The following SPEF2 variants were observed in gnomAD, a reference collection of about 807,000 sequenced individuals.
SPEF2 encodes sperm flagella and cilia-associated protein 2.
Under a neutral mutation model 224.6 loss-of-function variants are expected in SPEF2, and 187 were observed. The observed-to-expected ratio is 0.83, with a 90% CI of 0.74 to 0.94. The LOEUF is 0.94. Among genes scored for constraint, SPEF2 ranks in the 40% least tolerant of loss-of-function variants. SPEF2 has a pLI of 0.00. For missense variants in SPEF2, 2,170 were observed against 2,135.6 expected (o/e 1.02, Z -0.32); for synonymous variants, 715 against 707.3 (o/e 1.01, Z -0.17).
intron 2 of SPEF2, among the ~76,000 whole-genome samples, chr5:35,634,911 TC>T (rs1561105375): frequency 6.6e-6 from 1 of 152,024 alleles, no homozygotes; most frequent in African/African-American, 2.4e-5. Context: ...TCTTTCTTGT[TC>T]CGGGATCCCA....
At chr5:35,642,490 T>C (rs946554242) in intron 3 of SPEF2, among the ~76,000 whole-genome samples, 1 of 152,224 alleles carries the variant, frequency 6.6e-6, no homozygotes, top group African/African-American at 2.4e-5. Flanking sequence ...TATTGTTGGC[T>C]AACTAGTCAT....
At chr5:35,805,165 A>G (rs1757904956) in intron 34 of SPEF2, among the ~76,000 whole-genome samples, 1 of 152,208 alleles carries the variant, frequency 6.6e-6, no homozygotes, top group African/African-American at 2.4e-5. Context: ...ATTTGATTCC[A>G]AAATCTTCAC....
rs376969169 is a variant in SPEF2, at chr5:35,694,357, A to G, written c.1969A>G (p.Met657Val). Residue 657 changes from methionine (M) to valine (V), a missense_variant, in exon 13 of 37, where the codon ATG becomes GTG. Met to Val is a conservative substitution (Grantham distance 21). Coordinates refer to ENST00000356031, the MANE Select transcript of SPEF2 (RefSeq NM_024867.4). Reference protein sequence around the residue: ...EVLPETEGETMLSANADKTPK... With the variant: ...EVLPETEGETVLSANADKTPK... The stretch of plus-strand genomic sequence containing the variant: ...ATTACCAGAAACAGAAGGTGAAACA[A>G]TGCTTAGTAAGATCTCAAAACAAAT... 1.2e-6 allele frequency: 2 copies of G among 1,611,402 alleles called. No individual in the cohort carries two copies. The highest frequency in any genetic ancestry group is 1.7e-5 in the Admixed American group (1 of 59,846).
At chr5:35,683,109 A>T (rs1753066365) in intron 10 of SPEF2, among the ~76,000 whole-genome samples, 1 of 152,174 alleles carries the variant, frequency 6.6e-6, no homozygotes, top group African/African-American at 2.4e-5. Flanking sequence ...AACTAAAAAG[A>T]TATGAGAGAC....
At position 35,637,097 on chromosome 5, in the gene SPEF2, C is replaced by T. The variant is rs548862243; in HGVS notation, c.162-4334C>T. The stretch of plus-strand genomic sequence containing the variant: ...ACTGCTAAACTGCTGGTTTTTATAG[C>T]TGCCATGGTTGTAAGTCTGCTGCCG... On this transcript the variant is annotated intron_variant, in intron 2 of 36. Coordinates refer to ENST00000356031, the MANE Select transcript of SPEF2 (RefSeq NM_024867.4). Among the ~76,000 whole-genome samples the T allele has an allele frequency of 2.6e-5, 4 of 152,134 alleles. No individual in the cohort carries two copies. In the East Asian group the frequency reaches 5.8e-4, roughly 22 times the overall value.
chr5:35,739,392 A>AT (rs919338703), intron 21 of SPEF2, among the ~76,000 whole-genome samples: 2 of 151,840 alleles, frequency 1.3e-5, no homozygotes, highest in African/African-American at 4.8e-5. Context: ...ATAAACAGTT[A>AT]TTTTTTTTAG....
intron 25 of SPEF2, among the ~76,000 whole-genome samples, chr5:35,762,608 A>G (rs775760268): frequency 1.3e-5 from 2 of 152,048 alleles, no homozygotes; most frequent in Non-Finnish European, 2.9e-5. Flanking sequence ...TTGTTCCTAG[A>G]TTACTGATTC....
At chr5:35,652,538 G>A (rs1748351525) in intron 6 of SPEF2, among the ~76,000 whole-genome samples, 1 of 152,116 alleles carries the variant, frequency 6.6e-6, no homozygotes, top group South Asian at 2.1e-4. Context: ...TACAATCAAA[G>A]GTTGAGCCCC....
chr5:35,623,201 A>G (rs992095418), intron 1 of SPEF2, among the ~76,000 whole-genome samples: 1 of 152,208 alleles, frequency 6.6e-6, no homozygotes, highest in Non-Finnish European at 1.5e-5. Context: ...GGTTATGTTC[A>G]GCTGGAGAAT....
At chr5:35,746,252 C>T (rs534900151) in intron 23 of SPEF2, among the ~76,000 whole-genome samples, 2 of 152,260 alleles carry the variant, frequency 1.3e-5, no homozygotes, top group African/African-American at 4.8e-5. Context: ...GGTAATATGA[C>T]AAAACAAGGC....
intron 21 of SPEF2, among the ~76,000 whole-genome samples, chr5:35,735,119 T>TTCATATA (rs1486180592): frequency 6.6e-6 from 1 of 152,294 alleles, no homozygotes; most frequent in East Asian, 1.9e-4. Context: ...ATCTTCTATA[T>TTCATATA]GAATATAAGC....
At chr5:35,755,274 C>G (rs565938545) in intron 24 of SPEF2, among the ~76,000 whole-genome samples, 1 of 152,336 alleles carries the variant, frequency 6.6e-6, no homozygotes, top group South Asian at 2.1e-4. Context: ...GTCTTGATAG[C>G]ATCCCCACGA....
chr5:35,703,520 A>T (rs1380848115), intron 16 of SPEF2, among the ~76,000 whole-genome samples: 1 of 152,032 alleles, frequency 6.6e-6, no homozygotes, highest in Non-Finnish European at 1.5e-5. Context: ...GGAGCCATTC[A>T]GGGTGATCAC....
chr5:35,691,381 CAA>C lies in SPEF2; in HGVS notation c.1744+128_1744+129del, dbSNP rs1328835208. On this transcript the variant is annotated intron_variant, in intron 11 of 36. Coordinates refer to ENST00000356031, the MANE Select transcript of SPEF2 (RefSeq NM_024867.4). ...TGATATGTTGGGAAATCTCTGTCAT[CAA>C]AAGTTTTGTAATTTTCCAGGCTACG... 3 of 776,498 alleles carry C rather than the reference CAA, an allele frequency of 3.9e-6. No individual in the cohort carries two copies. The East Asian group carries it at 8.1e-5, about 21-fold the overall frequency. The allele number at this position is 776,498 out of a possible 1,614,324, so 48.1% of individuals were successfully genotyped here. A position where few individuals can be genotyped will look rare whatever the true frequency, so the allele number is the denominator to read the frequency against.
rs1472556385 is a variant in SPEF2, at chr5:35,641,539, T to C, written c.270T>C (p.Pro90=). Residue 90 remains proline, a synonymous_variant, in exon 3 of 37, where the codon CCT becomes CCC. Transcript: ENST00000356031. ...NVAHGIITEK[P]GVATKLLYQL... ...CCCATGGCATCATCACAGAAAAGCC[T>C]GGGGTGGCAACAAAGCTGTTATATC... 1 of 1,613,808 alleles carries C rather than the reference T, an allele frequency of 6.2e-7. No homozygotes were observed. Among genetic ancestry groups the C allele is most frequent in the South Asian group, 1.1e-5 (1 of 91,070 alleles).
At chr5:35,794,752 A>G (rs1285630180) in intron 32 of SPEF2, among the ~76,000 whole-genome samples, 1 of 152,234 alleles carries the variant, frequency 6.6e-6, no homozygotes, top group Non-Finnish European at 1.5e-5. Context: ...AATTTTCACC[A>G]AAGTGCTGAG....
intron 10 of SPEF2, among the ~76,000 whole-genome samples, chr5:35,682,243 T>A (rs1403060901): frequency 6.6e-6 from 1 of 152,134 alleles, no homozygotes; most frequent in Non-Finnish European, 1.5e-5. Flanking sequence ...GGTCACTACA[T>A]ATGGAATGTC....
intron 30 of SPEF2, among the ~76,000 whole-genome samples, chr5:35,784,318 C>G (rs1050902197): frequency 6.6e-6 from 1 of 152,038 alleles, no homozygotes; most frequent in Non-Finnish European, 1.5e-5. Flanking sequence ...TTAGTAGAGA[C>G]AAGGTTTCGC....
At chr5:35,662,668 C>A (rs1482283055) in intron 8 of SPEF2, among the ~76,000 whole-genome samples, 1 of 152,152 alleles carries the variant, frequency 6.6e-6, no homozygotes, top group African/African-American at 2.4e-5. Flanking sequence ...ATCCCAGCAC[C>A]ATCTATCAAA....
Sources: gnomAD v4.1 joint callset for allele counts (sites outside exome capture counted in the v4.1 genomes callset) on GRCh38, gnomAD v4.1.1 for gene constraint, MANE v1.5 for transcripts, NCBI Gene and HGNC (gene_info 2026-07-23, HGNC 2026-07-21) for gene names.